UMAD1: variants seen among roughly 807,000 people sequenced by gnomAD.
The protein encoded by UMAD1 is UBAP1-MVB12-associated (UMA)-domain containing protein 1.
Under a neutral mutation model 6.1 loss-of-function variants are expected in UMAD1, and 8 were observed. The observed-to-expected ratio is 1.30, with a 90% CI of 0.76 to 2.35. The LOEUF is 2.35. Ranked by LOEUF, UMAD1 falls within the 30% of genes most tolerant of loss-of-function variation. The probability of loss-of-function intolerance (pLI) is 0.00; values close to 1 mark genes in which losing one functional copy is unlikely to be tolerated. For missense variants in UMAD1, 130 were observed against 78.4 expected, an observed-to-expected ratio of 1.66 and a Z score of -2.49; for synonymous variants, 56 against 31.4, an observed-to-expected ratio of 1.78 and a Z score of -2.61.
At chr7:7,697,469 T>TA (rs531340561) in intron 2 of UMAD1, among the ~76,000 whole-genome samples, 1 of 152,218 alleles carries the variant, frequency 6.6e-6, no homozygotes, top group South Asian at 2.1e-4. Context: ...CTGGAAACTT[T>TA]AAAAAATGGC....
intron 2 of UMAD1, among the ~76,000 whole-genome samples, chr7:7,715,378 A>T (rs1383093809): frequency 1.3e-5 from 2 of 152,182 alleles, no homozygotes; most frequent in African/African-American, 2.4e-5. Context: ...AATTTAATGA[A>T]TTTTTTCCCA....
chr7:7,856,254 A>G (rs113579602), intron 3 of UMAD1, among the ~76,000 whole-genome samples: 95 of 152,336 alleles, frequency 6.2e-4, no homozygotes, highest in African/African-American at 2.2e-3. Context: ...TTATAAGGAA[A>G]TACCCGAGAC....
intron 2 of UMAD1, among the ~76,000 whole-genome samples, chr7:7,754,054 G>T (rs113559665): frequency 3.9e-5 from 6 of 151,946 alleles, no homozygotes; most frequent in Non-Finnish European, 7.4e-5. Flanking sequence ...GCGTGGTGGC[G>T]GGCGCCTGTA....
At chr7:7,813,142 C>A (rs17138237) in intron 3 of UMAD1, among the ~76,000 whole-genome samples, 58,557 of 152,010 alleles carry the variant, frequency 0.39, 11,328 homozygotes, top group Middle Eastern at 0.41. Context: ...TAGCTTAGTA[C>A]AATTTACGTA....
At chr7:7,648,890 C>T (rs1195655323) in intron 1 of UMAD1, among the ~76,000 whole-genome samples, 1 of 147,174 alleles carries the variant, frequency 6.8e-6, no homozygotes, top group Non-Finnish European at 1.5e-5. Flanking sequence ...CGGGCGCGGT[C>T]GCTCACACTT....
chr7:7,689,951 A>G (rs1247758501), intron 2 of UMAD1, among the ~76,000 whole-genome samples: 3 of 152,188 alleles, frequency 2.0e-5, no homozygotes, highest in Middle Eastern at 6.3e-3. Flanking sequence ...CTACTTATAT[A>G]TAGGTGTTTT....
At chr7:7,803,510 C>T (rs1349556837) in intron 3 of UMAD1, among the ~76,000 whole-genome samples, 1 of 152,144 alleles carries the variant, frequency 6.6e-6, no homozygotes, top group Non-Finnish European at 1.5e-5. Context: ...TGGGAGATAA[C>T]CACCAGGATG....
intron 3 of UMAD1, among the ~76,000 whole-genome samples, chr7:7,854,329 T>C (rs572761674): frequency 1.9e-4 from 21 of 108,860 alleles, no homozygotes; most frequent in Non-Finnish European, 3.4e-4. Context: ...CACTCCAGCC[T>C]GGGCAACAAG....
chr7:7,671,319 G>A (rs1412831467), intron 1 of UMAD1, among the ~76,000 whole-genome samples: 1 of 151,976 alleles, frequency 6.6e-6, no homozygotes, highest in Admixed American at 6.5e-5. Flanking sequence ...TTTATTTGAG[G>A]ATATCTTGGC....
At chr7:7,874,445 A>G (rs923501303) in intron 3 of UMAD1, among the ~76,000 whole-genome samples, 10 of 152,246 alleles carry the variant, frequency 6.6e-5, no homozygotes, top group African/African-American at 2.4e-4. Flanking sequence ...GCAACAATTT[A>G]GATGAATCTC....
chr7:7,786,583 C>G (rs192894073), intron 2 of UMAD1, among the ~76,000 whole-genome samples: 2 of 152,188 alleles, frequency 1.3e-5, no homozygotes, highest in Admixed American at 6.5e-5. Flanking sequence ...CCCCGTAAGC[C>G]TTGTTCAGAG....
At chr7:7,819,663 G>T (rs1783204435) in intron 3 of UMAD1, among the ~76,000 whole-genome samples, 1 of 152,190 alleles carries the variant, frequency 6.6e-6, no homozygotes, top group South Asian at 2.1e-4. Context: ...TGCTCTGAAA[G>T]AAAAATGGGT....
chr7:7,812,296 T>C (rs1047681849), intron 3 of UMAD1, among the ~76,000 whole-genome samples: 4 of 152,226 alleles, frequency 2.6e-5, no homozygotes, highest in South Asian at 4.1e-4. Flanking sequence ...TTTCTGCTCA[T>C]GTACACAGTC....
intron 1 of UMAD1, 112 bp from the exon 2 acceptor site, chr7:7,673,197 A>G (rs551833066): frequency 2.7e-6 from 2 of 749,942 alleles, no homozygotes; most frequent in South Asian, 1.5e-5. Context: ...ATGTGGCCAT[A>G]GAATTCCTAA....
chr7:7,840,726 G>T (rs1278075338), intron 3 of UMAD1, among the ~76,000 whole-genome samples: 1 of 152,116 alleles, frequency 6.6e-6, no homozygotes, highest in East Asian at 1.9e-4. Context: ...TTATCCTGGG[G>T]AAAGTCTCCA....
At position 7,642,483 on chromosome 7, in the gene UMAD1, TA is replaced by T. The variant is rs202168824; in HGVS notation, c.-64+1665del. 3.8e-3 allele frequency among the ~76,000 whole-genome samples: 496 copies of T among 129,656 alleles called. 14 individuals are homozygous for T. In the East Asian group the frequency reaches 0.081, roughly 21 times the overall value. 85.1% of individuals were successfully genotyped at this position (129,656 alleles called of 152,430 possible). A position where few individuals can be genotyped will look rare whatever the true frequency, so the allele number is the denominator to read the frequency against. On this transcript the variant is annotated intron_variant, in intron 1 of 3. Transcript: ENST00000682710. ...CTGTAATAGTGATTTTTTTTTTTTT[TA>T]AAGAGCACTCCTGTGAGTACCAGAT...
chr7:7,791,658 T>G (rs1239308955), intron 2 of UMAD1, among the ~76,000 whole-genome samples: 3 of 152,156 alleles, frequency 2.0e-5, no homozygotes, highest in East Asian at 3.8e-4. Flanking sequence ...GTAACAAGAC[T>G]GAGAACTAAG....
At chr7:7,762,326 C>T (rs891908264) in intron 2 of UMAD1, among the ~76,000 whole-genome samples, 4 of 152,158 alleles carry the variant, frequency 2.6e-5, no homozygotes, top group African/African-American at 9.7e-5. Flanking sequence ...AAAATCTTGA[C>T]TCTTGTTTAA....
chr7:7,663,328 AAG>A (rs1381820391), intron 1 of UMAD1, among the ~76,000 whole-genome samples: 1 of 145,990 alleles, frequency 6.8e-6, no homozygotes, highest in African/African-American at 2.5e-5. Flanking sequence ...GAGCATAAAT[AAG>A]AGAGGTGGAA....
Sources: gnomAD v4.1 joint callset for allele counts (sites outside exome capture counted in the v4.1 genomes callset) on GRCh38, gnomAD v4.1.1 for gene constraint, MANE v1.5 for transcripts, NCBI Gene and HGNC (gene_info 2026-07-23, HGNC 2026-07-21) for gene names.